Variants in SOX5 observed in about 807,000 individuals in gnomAD.
The protein encoded by SOX5 is SRY-box transcription factor 5.
SOX5 carries 9 observed loss-of-function variants against 92.0 expected under a neutral mutation model. The ratio of observed to expected loss-of-function variants is 0.10; its 90% CI spans 0.06 to 0.17. SOX5 has a LOEUF of 0.17. Ranked by LOEUF, SOX5 falls within the 10% of genes least tolerant of loss-of-function variation. The probability of loss-of-function intolerance (pLI) is 1.00; values close to 1 mark genes in which losing one functional copy is unlikely to be tolerated. For synonymous variants in SOX5, 344 were observed against 336.3 expected, an observed-to-expected ratio of 1.02 and a Z score of -0.25; for missense variants, 642 against 944.5, an observed-to-expected ratio of 0.68 and a Z score of 4.20.
intron 2 of SOX5, among the ~76,000 whole-genome samples, chr12:24,350,220 C>T (rs1953898952): frequency 6.6e-6 from 1 of 152,204 alleles, no homozygotes; most frequent in Admixed American, 6.5e-5. Context: ...CTGTAGAAAC[C>T]TTAGAACTTA....
chr12:23,920,243 G>C (rs959765277), intron 1 of SOX5: 4 of 152,188 alleles, frequency 2.6e-5, no homozygotes, highest in Non-Finnish European at 4.4e-5. Context: ...AGAAAAGAAT[G>C]TTTTTAATAA....
intron 2 of SOX5, among the ~76,000 whole-genome samples, chr12:24,350,740 C>G (rs562782109): frequency 6.6e-6 from 1 of 152,164 alleles, no homozygotes; most frequent in South Asian, 2.1e-4. Flanking sequence ...CATTAAATGA[C>G]CATATCTAGG....
chr12:24,454,130 C>T (rs1942710726), intron 1 of SOX5, among the ~76,000 whole-genome samples: 1 of 152,078 alleles, frequency 6.6e-6, no homozygotes, highest in Admixed American at 6.6e-5. Context: ...AATTTCCCAC[C>T]AAAAATGCAC....
At chr12:23,597,264 A>G (rs1952629906) in intron 9 of SOX5, among the ~76,000 whole-genome samples, 1 of 152,156 alleles carries the variant, frequency 6.6e-6, no homozygotes, top group South Asian at 2.1e-4. Context: ...CATTCTGCAT[A>G]TTTTGCTTTT....
At chr12:23,886,440 T>C (rs1244002260) in intron 2 of SOX5, among the ~76,000 whole-genome samples, 1 of 152,168 alleles carries the variant, frequency 6.6e-6, no homozygotes, top group Non-Finnish European at 1.5e-5. Flanking sequence ...AAGCATTATG[T>C]GATACATTTG....
intron 6 of SOX5, among the ~76,000 whole-genome samples, chr12:23,734,079 C>G (rs1056854561): frequency 6.6e-6 from 1 of 152,220 alleles, no homozygotes; most frequent in African/African-American, 2.4e-5. Context: ...AACAAGACAT[C>G]ACTGGAAACT....
At chr12:24,307,521 G>A (rs558036875) in intron 2 of SOX5, among the ~76,000 whole-genome samples, 3 of 23,504 alleles carry the variant, frequency 1.3e-4, no homozygotes, top group African/African-American at 2.3e-4. Context: ...AAGGAAGGCC[G>A]GCCCCCCCAC....
intron 4 of SOX5, among the ~76,000 whole-genome samples, chr12:24,178,229 A>G (rs570497000): frequency 6.8e-6 from 1 of 147,716 alleles, no homozygotes; most frequent in East Asian, 2.0e-4. Flanking sequence ...TTAGAGTAAC[A>G]AAACAAGAGC....
At chr12:23,571,114 A>G (rs1412796667) in intron 10 of SOX5, among the ~76,000 whole-genome samples, 2 of 148,504 alleles carry the variant, frequency 1.3e-5, no homozygotes. Context: ...CAGCCACCAC[A>G]CTCCAGCCGG....
intron 6 of SOX5, among the ~76,000 whole-genome samples, chr12:23,681,296 A>G (rs1449386337): frequency 6.6e-6 from 1 of 151,942 alleles, no homozygotes; most frequent in African/African-American, 2.4e-5. Flanking sequence ...ACCCAAACTG[A>G]TAAATAGAAA....
intron 4 of SOX5, among the ~76,000 whole-genome samples, chr12:24,000,604 C>A (rs1226144540): frequency 6.6e-6 from 1 of 151,922 alleles, no homozygotes; most frequent in Non-Finnish European, 1.5e-5. Context: ...TAAGACTAGA[C>A]AATATTCATT....
At chr12:24,461,779 T>C (rs890546968) in intron 1 of SOX5, among the ~76,000 whole-genome samples, 1 of 152,236 alleles carries the variant, frequency 6.6e-6, no homozygotes, top group African/African-American at 2.4e-5. Context: ...CATCTTTCTC[T>C]TGAATAGCTT....
intron 8 of SOX5, chr12:23,638,018 G>C (rs1200236831): frequency 6.6e-6 from 1 of 152,022 alleles, no homozygotes; most frequent in African/African-American, 2.4e-5. Context: ...GTGAACAAAG[G>C]CAGGTGTCAT....
Position 24,353,480 on chromosome 12 carries a change from T to C in SOX5, c.-174+15083A>G, listed in dbSNP as rs1046844354. ...TACAGAAAAGTTTGAAGCTAGGAGTTCAGATGTTTCTGGGAAAGAGAATGC... is the reference window on the plus strand; with the variant it reads ...TACAGAAAAGTTTGAAGCTAGGAGTCCAGATGTTTCTGGGAAAGAGAATGC... On this transcript the variant is annotated intron_variant, in intron 2 of 4. Coordinates refer to the SOX5 transcript ENST00000446891. 2.6e-5 allele frequency among the ~76,000 whole-genome samples: 4 copies of C among 152,308 alleles called. No homozygotes were observed. The South Asian group carries it at 8.3e-4, about 32-fold the overall frequency.
intron 4 of SOX5, among the ~76,000 whole-genome samples, chr12:23,743,912 T>A (rs1157458269): frequency 6.6e-6 from 1 of 152,246 alleles, no homozygotes; most frequent in Non-Finnish European, 1.5e-5. Context: ...CAAATATCAT[T>A]TTGTCATTAA....
chr12:24,075,548 G>T (rs1021516415), intron 4 of SOX5, among the ~76,000 whole-genome samples: 4 of 152,048 alleles, frequency 2.6e-5, no homozygotes, highest in African/African-American at 9.7e-5. Context: ...AAGGGGTAGA[G>T]CCATAATCCA....
intron 4 of SOX5, among the ~76,000 whole-genome samples, chr12:24,194,404 G>A (rs994034913): frequency 6.7e-6 from 1 of 149,334 alleles, no homozygotes; most frequent in African/African-American, 2.5e-5. Context: ...TATCTATCTA[G>A]ATAGGTAGGT....
At chr12:24,041,512 T>C (rs986285851) in intron 4 of SOX5, among the ~76,000 whole-genome samples, 1 of 152,162 alleles carries the variant, frequency 6.6e-6, no homozygotes, top group Non-Finnish European at 1.5e-5. Flanking sequence ...GGCTACAAAT[T>C]TACAATATAA....
intron 3 of SOX5, among the ~76,000 whole-genome samples, chr12:23,775,283 C>T (rs998142372): frequency 6.6e-6 from 1 of 152,034 alleles, no homozygotes; most frequent in African/African-American, 2.4e-5. Context: ...ATTTAATTTT[C>T]AAAAAATCCT....
Sources: gnomAD v4.1 joint callset for allele counts (sites outside exome capture counted in the v4.1 genomes callset) on GRCh38, gnomAD v4.1.1 for gene constraint, MANE v1.5 for transcripts, NCBI Gene and HGNC (gene_info 2026-07-23, HGNC 2026-07-21) for gene names.